Variants in ABCA7 observed in about 807,000 individuals in gnomAD.
ABCA7 encodes phospholipid-transporting ATPase ABCA7.
Under a neutral mutation model 227.6 loss-of-function variants are expected in ABCA7, and 261 were observed. The ratio of observed to expected loss-of-function variants is 1.15; its 90% CI spans 1.04 to 1.27. ABCA7 has a LOEUF of 1.27. Ranked by LOEUF, ABCA7 falls within the 50% of genes most tolerant of loss-of-function variation. The pLI, the probability that ABCA7 is intolerant of heterozygous loss-of-function variation, is 0.00. For missense variants in ABCA7, 3,331 were observed against 2,924.5 expected, an observed-to-expected ratio of 1.14 and a Z score of -3.21; for synonymous variants, 1,488 against 1,279.7, an observed-to-expected ratio of 1.16 and a Z score of -3.47.
chr19:1,062,286 C>A lies in ABCA7; in HGVS notation c.5685C>A (p.Arg1895=). The change falls in exon 42 of 47, where the codon CGC becomes CGA. Residue 1895 remains arginine (R), a synonymous_variant. Transcript: ENST00000263094. ...REHLELLARL[R]GVPEAQVAQT... ...ACCTGGAGCTGCTTGCGCGCCTGCG[C>A]GGTGTCCCGGAGGCCCAGGTTGCCC... is the stretch of plus-strand genomic sequence containing the variant. The A allele has an allele frequency of 6.2e-7, 1 of 1,607,946 alleles. No homozygotes were observed. Among genetic ancestry groups the A allele is most frequent in the South Asian group, 1.1e-5 (1 of 91,058 alleles).
At position 1,046,963 on chromosome 19, in the gene ABCA7, G is replaced by T. The variant is rs866487179; in HGVS notation, c.1784G>T (p.Trp595Leu). ...AGCCGCGCGGTGCTCTGGCTAGGCTGGTTCCTCAGCTGCCTCGGGCCCTTC... is the reference window on the plus strand; with the variant it reads ...AGCCGCGCGGTGCTCTGGCTAGGCTTGTTCCTCAGCTGCCTCGGGCCCTTC... ...GLSRAVLWLG[W>L]FLSCLGPFLL... Residue 595 changes from tryptophan to leucine, a missense_variant, in exon 14 of 47, where the codon TGG becomes TTG. By Grantham distance (61) the Trp-to-Leu change is moderately conservative. Transcript: ENST00000263094. The T allele has an allele frequency of 6.3e-7, 1 of 1,583,938 alleles. No homozygotes were observed. Among genetic ancestry groups the T allele is most frequent in the East Asian group, 2.3e-5 (1 of 43,710 alleles).
intron 40 of ABCA7, 51 bp downstream of exon 40, chr19:1,059,136 C>T: frequency 6.3e-7 from 1 of 1,576,694 alleles, no homozygotes; most frequent in Non-Finnish European, 8.6e-7. Flanking sequence ...GGCTGCCCTA[C>T]TGCATGCCCT....
At position 1,052,073 on chromosome 19, in the gene ABCA7, G is replaced by A. The variant is rs200951390; in HGVS notation, c.3094G>A (p.Gly1032Ser). Residue 1032 changes from glycine to serine, a missense_variant, in exon 22 of 47, where the codon GGC becomes AGC. Coordinates refer to ENST00000263094, the MANE Select transcript of ABCA7 (RefSeq NM_019112.4). ...CTTCCTGCGCCGTCACCTGGGCTCC[G>A]GCTACTACCTGACGCTGGTGAAGGC... ...PLFLRRHLGS[G>S]YYLTLVKARL... The A allele has an allele frequency of 5.2e-5, 84 of 1,612,196 alleles. No homozygotes were observed. The highest frequency in any genetic ancestry group is 5.8e-5 in the Non-Finnish European group (68 of 1,179,892).
intron 23 of ABCA7, 34 bp from the exon 24 acceptor site, chr19:1,053,295 C>T (rs751613546): frequency 1.8e-5 from 29 of 1,587,916 alleles, no homozygotes; most frequent in African/African-American, 2.7e-5. Flanking sequence ...GGGCGTGAGC[C>T]GGGGCTCCCT....
At chr19:1,064,508 G>A (rs1009665630) in intron 45 of ABCA7, among the ~76,000 whole-genome samples, 5 of 151,898 alleles carry the variant, frequency 3.3e-5, no homozygotes, top group East Asian at 1.9e-4. Flanking sequence ...CGTTGGAGTA[G>A]GTGCAGCCTG....
In ABCA7 at chr19:1,059,099, T is replaced by G. The variant is rs1304406251; in HGVS notation, c.5463+14T>G. On this transcript the variant is annotated intron_variant, in intron 40 of 46. Coordinates refer to ENST00000263094, the MANE Select transcript of ABCA7 (RefSeq NM_019112.4). ...CCCCCTGGTGAGGTGAGTCCAGGGG[T>G]GGAGGCCAGGTGCAGGGACAGTGAG... The G allele has an allele frequency of 1.9e-6, 3 of 1,609,780 alleles. No homozygotes were observed. The highest frequency in any genetic ancestry group is 2.5e-6 in the Non-Finnish European group (3 of 1,178,652).
Position 1,056,747 on chromosome 19 carries a change from G to A in ABCA7, c.4587-160G>A, listed in dbSNP as rs2042288344. On this transcript the variant is annotated intron_variant, in intron 33 of 46. Coordinates refer to ENST00000263094, the MANE Select transcript of ABCA7 (RefSeq NM_019112.4). This position sits in a 1 kb window ranked among gnomAD's most constrained non-coding sequence, Gnocchi z 4.3. ...CCTGCCTGAGACCTGTACAACCTCTGCTGCCAAATCCCAGGCACCCTCATC... is the reference window on the plus strand; with the variant it reads ...CCTGCCTGAGACCTGTACAACCTCTACTGCCAAATCCCAGGCACCCTCATC... Among the ~76,000 whole-genome samples, 1 of 152,084 alleles carries A rather than the reference G, an allele frequency of 6.6e-6. No homozygotes were observed. The highest frequency in any genetic ancestry group is 2.1e-4 in the South Asian group (1 of 4,828).
intron 41 of ABCA7, 52 bp downstream of exon 41, chr19:1,061,940 T>C: frequency 2.0e-6 from 3 of 1,507,640 alleles, no homozygotes; most frequent in Non-Finnish European, 2.7e-6. Context: ...CCTGACGTCC[T>C]TGTGCTTCCC....
intron 20 of ABCA7, 57 bp downstream of exon 20, chr19:1,051,351 G>T: frequency 6.7e-7 from 1 of 1,500,740 alleles, no homozygotes; most frequent in Non-Finnish European, 9.0e-7. Context: ...GATTCATCCT[G>T]AAGGCAGGGG....
At position 1,047,167 on chromosome 19, in the gene ABCA7, TCCTCCCCTACA is replaced by T; in HGVS notation, c.1857_1867del (p.Ile619MetfsTer141). ...CGTTGCCTCTCACAGCTGGGAGACA[TCCTCCCCTACA>T]GCCACCCGGGCGTGGTCTTCCTGTT... On this transcript the variant is annotated frameshift_variant, in exon 15 of 47. Transcript: ENST00000263094. LOFTEE classifies it high-confidence loss of function. 1 of 1,602,886 alleles carries T rather than the reference TCCTCCCCTACA, an allele frequency of 6.2e-7. No homozygotes were observed. The highest frequency in any genetic ancestry group is 8.5e-7 in the Non-Finnish European group (1 of 1,176,846).
At position 1,046,305 on chromosome 19, in the gene ABCA7, A is replaced by G. The variant is rs2040651963; in HGVS notation, c.1521A>G (p.Gln507=). The G allele has an allele frequency of 6.2e-7, 1 of 1,605,548 alleles. No individual in the cohort carries two copies. Reference sequence around the variant, plus strand: ...TGTGGGGCGGCTTCGTGTACCTGCAAGACCTGGTGGAGCGTGCAGCCGTCC... The same window carrying G: ...TGTGGGGCGGCTTCGTGTACCTGCAGGACCTGGTGGAGCGTGCAGCCGTCC... ...RYVWGGFVYL[Q]DLVERAAVRV... The change falls in exon 13 of 47, where the codon CAA becomes CAG. Residue 507 remains glutamine (Q), a synonymous_variant. Transcript: ENST00000263094.
chr19:1,064,031 A>C, intron 44 of ABCA7, 130 bp from the exon 45 acceptor site: 1 of 1,340,148 alleles, frequency 7.5e-7, no homozygotes, highest in Non-Finnish European at 1.0e-6. Flanking sequence ...CGCCGGGATC[A>C]GAACGGTCTG....
intron 11 of ABCA7, 81 bp downstream of exon 11, chr19:1,044,825 G>A (rs1271412250): frequency 2.0e-6 from 3 of 1,502,924 alleles, no homozygotes; most frequent in Non-Finnish European, 2.7e-6. Flanking sequence ...GGTGTTCCCA[G>A]GGGGAGGCGG....
intron 16 of ABCA7, 41 bp downstream of exon 16, chr19:1,047,695 G>A: frequency 5.9e-6 from 9 of 1,533,432 alleles, no homozygotes; most frequent in Non-Finnish European, 7.9e-6. Flanking sequence ...GGTCGCACCT[G>A]CTTTGCGGGA....
Position 1,058,652 on chromosome 19 carries a change from G to A in ABCA7, c.5184G>A (p.Glu1728=), listed in dbSNP as rs1176543836. The change falls in exon 38 of 47, where the codon GAG becomes GAA. Residue 1728 remains glutamate, a synonymous_variant. Coordinates refer to ENST00000263094, the MANE Select transcript of ABCA7 (RefSeq NM_019112.4). The stretch of plus-strand genomic sequence containing the variant: ...AGTTCCAGTCACCCCTGCGCTGGGA[G>A]GTGGTCGGCAAGAACCTCTTGGCCA... ...DRQFQSPLRW[E]VVGKNLLAMV... 1.2e-6 allele frequency: 2 copies of A among 1,613,864 alleles called. No individual in the cohort carries two copies. The highest frequency in any genetic ancestry group is 1.7e-6 in the Non-Finnish European group (2 of 1,180,024).
In ABCA7 at chr19:1,051,482, C is replaced by A. The variant is rs2041625194; in HGVS notation, c.2858C>A (p.Ala953Asp). The A allele has an allele frequency of 2.5e-6, 4 of 1,612,610 alleles. No individual in the cohort carries two copies. The highest frequency in any genetic ancestry group is 1.1e-5 in the South Asian group (1 of 91,080). ...CAACGGAAGCTGTCCGTGGCCATTG[C>A]CTTTGTGGGCGGCTCCCAAGTTGTT... ...GMQRKLSVAIAFVGGSQVVIL... is the reference protein window; with the variant it reads ...GMQRKLSVAIDFVGGSQVVIL... The change falls in exon 21 of 47, where the codon GCC (alanine) becomes GAC (aspartate). Residue 953 changes from alanine to aspartate, a missense_variant. Transcript: ENST00000263094.
Position 1,044,671 on chromosome 19 carries a change from G to T in ABCA7, c.1142G>T (p.Ser381Ile). The T allele has an allele frequency of 2.1e-5, 34 of 1,613,128 alleles. No individual in the cohort carries two copies. The highest frequency in any genetic ancestry group is 2.9e-5 in the Non-Finnish European group (34 of 1,179,982). Residue 381 changes from serine to isoleucine, a missense_variant, in exon 11 of 47, where the codon AGC becomes ATC. By Grantham distance (142) the Ser-to-Ile change is moderately radical. Transcript: ENST00000263094. ...EALRSFLDPGSGGYSWQDAHA... is the reference protein window; with the variant it reads ...EALRSFLDPGIGGYSWQDAHA... ...CTGCGATCCTTTCTGGACCCTGGGA[G>T]CGGTGGCTACAGCTGGCAGGACGCA... is the stretch of plus-strand genomic sequence containing the variant.
chr19:1,054,921 C>T lies in ABCA7; in HGVS notation c.3950+43C>T. 3 of 1,552,166 alleles carry T rather than the reference C, an allele frequency of 1.9e-6. No individual in the cohort carries two copies. The highest frequency in any genetic ancestry group is 1.7e-6 in the Non-Finnish European group (2 of 1,144,204). On this transcript the variant is annotated intron_variant, in intron 29 of 46. Coordinates refer to ENST00000263094, the MANE Select transcript of ABCA7 (RefSeq NM_019112.4). The surrounding 1 kb of genome is among the most constrained non-coding windows in gnomAD (Gnocchi z 4.8). Reference sequence around the variant, plus strand: ...CCTGGACCTTTCCCCTCTCTGGCCTCAGTTTTCCCATCTGGTCCCTGGCCA... The same window carrying T: ...CCTGGACCTTTCCCCTCTCTGGCCTTAGTTTTCCCATCTGGTCCCTGGCCA...
In ABCA7 at chr19:1,046,329, C is replaced by A; in HGVS notation, c.1545C>A (p.Val515=). The change falls in exon 13 of 47, where the codon GTC becomes GTA. Residue 515 remains valine, a synonymous_variant. Transcript: ENST00000263094. ...YLQDLVERAA[V]RVLSGANPRA... ...AAGACCTGGTGGAGCGTGCAGCCGTCCGCGTGCTCAGCGGCGCCAACCCCC... is the reference window on the plus strand; with the variant it reads ...AAGACCTGGTGGAGCGTGCAGCCGTACGCGTGCTCAGCGGCGCCAACCCCC... 1 of 1,603,152 alleles carries A rather than the reference C, an allele frequency of 6.2e-7. No homozygotes were observed. Among genetic ancestry groups the A allele is most frequent in the Non-Finnish European group, 8.5e-7 (1 of 1,178,968 alleles).
Sources: gnomAD v4.1 joint callset for allele counts (sites outside exome capture counted in the v4.1 genomes callset) on GRCh38, gnomAD v4.1.1 for gene constraint, Gnocchi (gnomAD v3.1) non-coding constraint, MANE v1.5 for transcripts, NCBI Gene and HGNC (gene_info 2026-07-23, HGNC 2026-07-21) for gene names.